The following SHB variants were observed in gnomAD, a reference collection of about 807,000 sequenced individuals.
SHB encodes the protein SH2 domain containing adaptor protein B.
A neutral mutation model predicts 52.3 loss-of-function variants in SHB; 20 were observed. The ratio of observed to expected loss-of-function variants is 0.38; its 90% CI spans 0.27 to 0.56. SHB has a LOEUF of 0.56. Among genes scored for constraint, SHB ranks in the 20% least tolerant of loss-of-function variants. The pLI is 0.71. For missense variants in SHB, 825 were observed against 723.3 expected, an observed-to-expected ratio of 1.14 and a Z score of -1.61; for synonymous variants, 397 against 316.5, an observed-to-expected ratio of 1.25 and a Z score of -2.70.
chr9:37,964,237 G>C (rs921401347), intron 3 of SHB, among the ~76,000 whole-genome samples: 1 of 152,234 alleles, frequency 6.6e-6, no homozygotes, highest in South Asian at 2.1e-4. Context: ...TCATTGTGAG[G>C]GGAGGCGGCC....
chr9:37,988,564 T>C (rs1820839411), intron 2 of SHB, among the ~76,000 whole-genome samples: 1 of 152,084 alleles, frequency 6.6e-6, no homozygotes. Flanking sequence ...ATCCGACCAC[T>C]ACATGCAACA....
At chr9:37,925,386 C>T (rs1035480827) in intron 5 of SHB, among the ~76,000 whole-genome samples, 1 of 152,168 alleles carries the variant, frequency 6.6e-6, no homozygotes, top group Non-Finnish European at 1.5e-5. Flanking sequence ...GGGGAGCTTC[C>T]GGAGGGTCAT....
Position 38,067,995 on chromosome 9 carries a change from G to A in SHB, c.651C>T (p.Gly217=). 3.3e-6 allele frequency: 5 copies of A among 1,535,440 alleles called. No individual in the cohort carries two copies. The highest frequency in any genetic ancestry group is 2.4e-5 in the South Asian group (2 of 83,336). ...GRTWSPTACG[G]KKLLNKCAAS... is the part of the protein sequence containing the mutation. ...CGGCGCACTTGTTGAGCAGTTTCTT[G>A]CCTCCGCAGGCCGTCGGGCTCCAGG... Residue 217 remains glycine (G), a synonymous_variant, in exon 1 of 6, where the codon GGC becomes GGT. Coordinates refer to ENST00000377707, the MANE Select transcript of SHB (RefSeq NM_003028.3).
In SHB at chr9:37,936,184, C is replaced by T. The variant is rs12002262; in HGVS notation, c.1346+12451G>A. On this transcript the variant is annotated intron_variant, in intron 5 of 5. Transcript: ENST00000377707. ...TGAGCCGAGATAGCGCCATTGCACT[C>T]CAGCCTGGGCGACAGAGCGGGACTC... Among the ~76,000 whole-genome samples the T allele has an allele frequency of 7.8e-3, 1,183 of 152,248 alleles. 15 individuals are homozygous for T. Among genetic ancestry groups the T allele is most frequent in the African/African-American group, 0.027 (1,121 of 41,532 alleles).
At chr9:38,043,357 T>C (rs1821605874) in intron 1 of SHB, among the ~76,000 whole-genome samples, 1 of 152,192 alleles carries the variant, frequency 6.6e-6, no homozygotes, top group Non-Finnish European at 1.5e-5. Context: ...ACAGCCTCCT[T>C]TGAACAGGAT....
At chr9:37,959,051 G>C (rs1383504993) in intron 3 of SHB, among the ~76,000 whole-genome samples, 1 of 152,148 alleles carries the variant, frequency 6.6e-6, no homozygotes, top group Non-Finnish European at 1.5e-5. Flanking sequence ...TCAGAGAATG[G>C]GCTTTAGAGA....
intron 5 of SHB, among the ~76,000 whole-genome samples, chr9:37,938,621 A>G (rs1050395578): frequency 2.0e-5 from 3 of 152,192 alleles, no homozygotes; most frequent in African/African-American, 7.2e-5. Flanking sequence ...GCACAGGCAG[A>G]TTTATGTGGG....
At chr9:37,930,120 C>T (rs748229050) in intron 5 of SHB, among the ~76,000 whole-genome samples, 26 of 152,038 alleles carry the variant, frequency 1.7e-4, no homozygotes, top group Non-Finnish European at 2.2e-4. Flanking sequence ...AAACAGAAAA[C>T]GAACTAAACA....
chr9:37,968,846 T>G (rs1254624364), intron 3 of SHB, among the ~76,000 whole-genome samples: 1 of 152,214 alleles, frequency 6.6e-6, no homozygotes, highest in Non-Finnish European at 1.5e-5. Flanking sequence ...TGTTCCCTTC[T>G]CCACTCTGAG....
chr9:37,929,718 C>T (rs778901050), intron 5 of SHB, among the ~76,000 whole-genome samples: 2 of 152,206 alleles, frequency 1.3e-5, no homozygotes, highest in African/African-American at 2.4e-5. Context: ...CGGGGCAAGG[C>T]GTTTACTGCC....
In SHB at chr9:38,015,992, G is replaced by T. The variant is rs1439849533; in HGVS notation, c.838+19C>A. The stretch of plus-strand genomic sequence containing the variant: ...CCTACAACCCCAGCTGTGAGCCCCT[G>T]CGCTTCAGCTCCACTTACCTGTCAT... On this transcript the variant is annotated intron_variant, in intron 2 of 5. Transcript: ENST00000377707. 1 of 1,613,520 alleles carries T rather than the reference G, an allele frequency of 6.2e-7. No individual in the cohort carries two copies. Among genetic ancestry groups the T allele is most frequent in the South Asian group, 1.1e-5 (1 of 90,966 alleles).
chr9:37,984,650 G>C (rs1011354396), intron 2 of SHB, among the ~76,000 whole-genome samples: 1 of 152,122 alleles, frequency 6.6e-6, no homozygotes, highest in Admixed American at 6.5e-5. Context: ...TCAGGTCCCT[G>C]AGGTGTTAAA....
At chr9:38,010,234 C>T (rs996759568) in intron 2 of SHB, among the ~76,000 whole-genome samples, 1 of 152,196 alleles carries the variant, frequency 6.6e-6, no homozygotes, top group Non-Finnish European at 1.5e-5. Flanking sequence ...ATTAAGTGAG[C>T]TAATCTCTGG....
At chr9:38,028,854 GCA>G in intron 1 of SHB, among the ~76,000 whole-genome samples, 1 of 152,316 alleles carries the variant, frequency 6.6e-6, no homozygotes, top group East Asian at 1.9e-4. Context: ...ATGAAATACA[GCA>G]CACAGATGCA....
chr9:37,916,353 G>A lies in SHB; in HGVS notation c.*3468C>T, dbSNP rs138091501. 4.3e-3 allele frequency among the ~76,000 whole-genome samples: 654 copies of A among 152,372 alleles called. 7 individuals are homozygous for A. Among genetic ancestry groups the A allele is most frequent in the African/African-American group, 0.015 (634 of 41,584 alleles). The stretch of plus-strand genomic sequence containing the variant: ...GGCTTCTACCTGCACAGTCCCTAGG[G>A]CTGCAAGAGCAAATGGGGACCCTGG... On this transcript the variant is annotated 3_prime_UTR_variant, in exon 6 of 6. Coordinates refer to ENST00000377707, the MANE Select transcript of SHB (RefSeq NM_003028.3).
intron 1 of SHB, among the ~76,000 whole-genome samples, chr9:38,058,556 C>T (rs906606059): frequency 6.6e-6 from 1 of 152,230 alleles, no homozygotes. Flanking sequence ...TCCAGAGCCA[C>T]CCTTTAAAAA....
At position 37,918,428 on chromosome 9, in the gene SHB, T is replaced by TCCCTGGGAGGTCAG. The variant is rs1564078446; in HGVS notation, c.*1392_*1393insCTGACCTCCCAGGG. Among the ~76,000 whole-genome samples the TCCCTGGGAGGTCAG allele has an allele frequency of 1.9e-5, 2 of 107,852 alleles. No homozygotes were observed. The highest frequency in any genetic ancestry group is 2.0e-5 in the Non-Finnish European group (1 of 49,356). The allele number at this position is 107,852 out of a possible 152,430, so 70.8% of individuals were successfully genotyped here. On this transcript the variant is annotated 3_prime_UTR_variant, in exon 6 of 6. Coordinates refer to ENST00000377707, the MANE Select transcript of SHB (RefSeq NM_003028.3). ...AGTGTGGACCACTGAGGGCTGTGTGTGTGTGTGTGTGTGTGTGTAGGTGTT... is the reference window on the plus strand; with the variant it reads ...AGTGTGGACCACTGAGGGCTGTGTGTCCCTGGGAGGTCAGGTGTGTGTGTGTGTGTGTAGGTGTT...
At chr9:37,959,983 A>C (rs563005572) in intron 3 of SHB, among the ~76,000 whole-genome samples, 2 of 152,192 alleles carry the variant, frequency 1.3e-5, no homozygotes, top group South Asian at 2.1e-4. Flanking sequence ...GTTTAGCTTT[A>C]TTGGGAAAAA....
Position 37,921,493 on chromosome 9 carries a change from C to T in SHB, c.1347-1489G>A, listed in dbSNP as rs575878858. Reference sequence around the variant, plus strand: ...GTGCGAGCACTAAGCAATATGTCTGCTCATAATAATGTATTTAGAGATGTC... The same window carrying T: ...GTGCGAGCACTAAGCAATATGTCTGTTCATAATAATGTATTTAGAGATGTC... On this transcript the variant is annotated intron_variant, in intron 5 of 5. Coordinates refer to ENST00000377707, the MANE Select transcript of SHB (RefSeq NM_003028.3). Among the ~76,000 whole-genome samples the T allele has an allele frequency of 8.1e-4, 124 of 152,328 alleles. 3 individuals are homozygous for T. Among genetic ancestry groups the T allele is most frequent in the African/African-American group, 2.9e-3 (120 of 41,578 alleles).
Sources: allele counts gnomAD v4.1 joint callset (sites outside exome capture counted in the v4.1 genomes callset), GRCh38; gene constraint gnomAD v4.1.1; transcripts MANE v1.5; gene names NCBI Gene and HGNC (gene_info 2026-07-23, HGNC 2026-07-21).